Variants in GPC5 observed in about 807,000 individuals in gnomAD.
GPC5 encodes the protein glypican 5, also known as glypican-5.
GPC5 carries 47 observed loss-of-function variants against 53.9 expected under a neutral mutation model. The ratio of observed to expected loss-of-function variants is 0.87; its 90% confidence interval spans 0.69 to 1.11. The LOEUF (loss-of-function observed/expected upper bound fraction) is 1.11. GPC5 is among the 50% of genes most tolerant of loss of function. GPC5 has a pLI of 0.00. For synonymous variants in GPC5, 286 were observed against 263.3 expected, an observed-to-expected ratio of 1.09 and a Z score of -0.84; for missense variants, 748 against 713.1, an observed-to-expected ratio of 1.05 and a Z score of -0.56.
At chr13:92,437,099 A>G (rs968554794) in intron 7 of GPC5, among the ~76,000 whole-genome samples, 1 of 152,168 alleles carries the variant, frequency 6.6e-6, no homozygotes, top group Non-Finnish European at 1.5e-5. Flanking sequence ...CTTGCTTTGA[A>G]AAGCAGACAT....
chr13:92,291,373 A>G (rs980483922), intron 7 of GPC5, among the ~76,000 whole-genome samples: 2 of 152,046 alleles, frequency 1.3e-5, no homozygotes, highest in African/African-American at 4.8e-5. Flanking sequence ...ACCGATCGGC[A>G]CTCTGTATCT....
intron 6 of GPC5, among the ~76,000 whole-genome samples, chr13:91,908,772 T>G (rs1160813583): frequency 6.6e-6 from 1 of 152,284 alleles, no homozygotes; most frequent in African/African-American, 2.4e-5. Flanking sequence ...AGGCTATTTT[T>G]TTTTTAGTTA....
chr13:92,261,676 A>G (rs546044293), intron 7 of GPC5, among the ~76,000 whole-genome samples: 18 of 152,148 alleles, frequency 1.2e-4, no homozygotes, highest in Non-Finnish European at 2.2e-4. Context: ...CTGCTTTCAT[A>G]TTAAAAAGAC....
chr13:91,502,477 G>C (rs1176967256), intron 2 of GPC5, among the ~76,000 whole-genome samples: 1 of 152,138 alleles, frequency 6.6e-6, no homozygotes, highest in African/African-American at 2.4e-5. Flanking sequence ...GGAGGGAGGG[G>C]AGTAGTGTTA....
chr13:91,965,648 G>T (rs951466503), intron 6 of GPC5, among the ~76,000 whole-genome samples: 2 of 152,094 alleles, frequency 1.3e-5, no homozygotes, highest in African/African-American at 4.8e-5. Flanking sequence ...ATTCATTTAG[G>T]CCTGTCATAT....
At chr13:92,130,145 T>A (rs1303064366) in intron 6 of GPC5, among the ~76,000 whole-genome samples, 1 of 151,980 alleles carries the variant, frequency 6.6e-6, no homozygotes, top group African/African-American at 2.4e-5. Context: ...AGGGGCAAAT[T>A]TGCCAGTCTA....
At chr13:92,788,278 G>A (rs1453609298) in intron 7 of GPC5, among the ~76,000 whole-genome samples, 1 of 151,986 alleles carries the variant, frequency 6.6e-6, no homozygotes. Context: ...GATAAAATTT[G>A]ATGTTAAACA....
chr13:92,449,509 CTG>C (rs925794131), intron 7 of GPC5, among the ~76,000 whole-genome samples: 2 of 152,106 alleles, frequency 1.3e-5, no homozygotes, highest in Non-Finnish European at 1.5e-5. Flanking sequence ...GAATACATGA[CTG>C]TATGCTGTAT....
chr13:91,728,743 T>A, intron 4 of GPC5, 78 bp downstream of exon 4: 2 of 1,353,600 alleles, frequency 1.5e-6, no homozygotes, highest in Non-Finnish European at 2.0e-6. Context: ...ACATATTCAA[T>A]TAAATCGAAT....
chr13:91,914,750 A>C (rs1359387437), intron 6 of GPC5, among the ~76,000 whole-genome samples: 1 of 151,872 alleles, frequency 6.6e-6, no homozygotes, highest in Non-Finnish European at 1.5e-5. Flanking sequence ...ATGGTTACAC[A>C]GGTAGTGTTT....
intron 6 of GPC5, among the ~76,000 whole-genome samples, chr13:91,911,989 C>A (rs2139003613): frequency 6.6e-6 from 1 of 152,262 alleles, no homozygotes; most frequent in South Asian, 2.1e-4. Context: ...AGGGAGACCA[C>A]ACAACTGGAA....
intron 6 of GPC5, among the ~76,000 whole-genome samples, chr13:91,964,907 A>T (rs1203190152): frequency 1.3e-5 from 2 of 152,146 alleles, no homozygotes; most frequent in Non-Finnish European, 2.9e-5. Flanking sequence ...GCAGCCATAA[A>T]AAAGGATGAT....
At chr13:91,559,591 A>T (rs2031145717) in intron 2 of GPC5, among the ~76,000 whole-genome samples, 1 of 152,148 alleles carries the variant, frequency 6.6e-6, no homozygotes, top group East Asian at 1.9e-4. Flanking sequence ...TCCTGAATGA[A>T]CTTGGAATGT....
intron 6 of GPC5, among the ~76,000 whole-genome samples, chr13:91,910,512 T>C (rs2139001502): frequency 6.6e-6 from 1 of 152,278 alleles, no homozygotes; most frequent in East Asian, 1.9e-4. Flanking sequence ...CTTTGTGCTA[T>C]GAAAAATGCC....
intron 7 of GPC5, among the ~76,000 whole-genome samples, chr13:92,283,351 A>C (rs954267211): frequency 1.3e-5 from 2 of 152,194 alleles, no homozygotes; most frequent in Non-Finnish European, 2.9e-5. Flanking sequence ...AAAGTTAACA[A>C]AGATATCCAG....
intron 7 of GPC5, among the ~76,000 whole-genome samples, chr13:92,517,738 A>C (rs1468331042): frequency 2.2e-4 from 34 of 152,184 alleles, no homozygotes; most frequent in Non-Finnish European, 1.5e-5. Context: ...GAAAAAACAA[A>C]GCAGAAAAGC....
At chr13:92,443,202 C>T (rs1877647510) in intron 7 of GPC5, among the ~76,000 whole-genome samples, 1 of 152,160 alleles carries the variant, frequency 6.6e-6, no homozygotes, top group African/African-American at 2.4e-5. Context: ...TAACAGTGAG[C>T]TCTCACATGA....
intron 7 of GPC5, among the ~76,000 whole-genome samples, chr13:92,668,159 T>G (rs1182043040): frequency 6.6e-6 from 1 of 152,188 alleles, no homozygotes; most frequent in Non-Finnish European, 1.5e-5. Context: ...AATAATATAT[T>G]TCATTATGGA....
At chr13:92,637,777 G>C (rs1566335120) in intron 7 of GPC5, among the ~76,000 whole-genome samples, 8 of 151,490 alleles carry the variant, frequency 5.3e-5, no homozygotes. Flanking sequence ...ATATTGAAGA[G>C]AAAAAAAATC....
Sources: gnomAD v4.1 joint callset for allele counts (sites outside exome capture counted in the v4.1 genomes callset) on GRCh38, gnomAD v4.1.1 for gene constraint, MANE v1.5 for transcripts, NCBI Gene and HGNC (gene_info 2026-07-23, HGNC 2026-07-21) for gene names.